Variants in ZNF486 observed in about 807,000 individuals in gnomAD.
ZNF486 encodes the protein KRAB box only protein 2.
A neutral mutation model predicts 12.8 loss-of-function variants in ZNF486; 12 were observed. The observed-to-expected ratio is 0.94, with a 90% CI of 0.60 to 1.52. ZNF486 has a LOEUF of 1.52. Among genes scored for constraint, ZNF486 ranks in the 40% most tolerant of loss-of-function variants. The pLI, the probability that ZNF486 is intolerant of heterozygous loss-of-function variation, is 0.00. For synonymous variants in ZNF486, 231 were observed against 184.9 expected (o/e 1.25, Z -2.02); for missense variants, 738 against 545.0 (o/e 1.35, Z -3.53).
chr19:20,187,630 T>C (rs2089863389), intron 3 of ZNF486, among the ~76,000 whole-genome samples: 2 of 151,166 alleles, frequency 1.3e-5, no homozygotes, highest in Admixed American at 6.6e-5. Flanking sequence ...GCCTCCCGAG[T>C]AGCTGGGACT....
Position 20,197,571 on chromosome 19 carries a change from C to A in ZNF486, c.861C>A (p.Ile287=), listed in dbSNP as rs782419573. The A allele has an allele frequency of 6.2e-7, 1 of 1,610,772 alleles. No individual in the cohort carries two copies. Among genetic ancestry groups the A allele is most frequent in the Non-Finnish European group, 8.5e-7 (1 of 1,179,048 alleles). The change falls in exon 4 of 4, where the codon ATC becomes ATA. Residue 287 remains isoleucine, a synonymous_variant. Transcript: ENST00000335117. The part of the protein sequence containing the change: ...YPYTLTTHKI[I]HTGEQPYKCK... Reference sequence around the variant, plus strand: ...ATACCCTTACTACACATAAGATAATCCATACTGGAGAGCAACCCTACAAAT... The same window carrying A: ...ATACCCTTACTACACATAAGATAATACATACTGGAGAGCAACCCTACAAAT...
chr19:20,185,980 G>GCT lies in ZNF486; in HGVS notation c.158-7_158-6insCT. On this transcript the variant is annotated splice_region_variant and splice_polypyrimidine_tract_variant and intron_variant, in intron 2 of 3. Coordinates refer to ENST00000335117, the MANE Select transcript of ZNF486 (RefSeq NM_052852.4). ...AAGATTAATGCTATTTATTTTTAATGAAACAGGTATTATTGTCTCTAAGCC... is the reference window on the plus strand; with the variant it reads ...AAGATTAATGCTATTTATTTTTAATGCTAAACAGGTATTATTGTCTCTAAGCC... 6.6e-7 allele frequency: 1 copy of GCT among 1,520,478 alleles called. No individual in the cohort carries two copies. Among genetic ancestry groups the GCT allele is most frequent in the Non-Finnish European group, 8.8e-7 (1 of 1,135,636 alleles). 94.2% of individuals were successfully genotyped at this position (1,520,478 alleles called of 1,614,324 possible). A position where few individuals can be genotyped will look rare whatever the true frequency, so the allele number is the denominator to read the frequency against.
rs556923973 is a variant in ZNF486, at chr19:20,196,803, T to C, written c.254-161T>C. Among the ~76,000 whole-genome samples the C allele has an allele frequency of 3.3e-3, 502 of 152,070 alleles. 3 individuals carry two copies. The highest frequency in any genetic ancestry group is 6.1e-3 in the Non-Finnish European group (418 of 67,978). On this transcript the variant is annotated intron_variant, in intron 3 of 3. Transcript: ENST00000335117. Reference sequence around the variant, plus strand: ...TTTTACAAATGTATTTTGGTCAGTATGTTTTTGTTACCTTTATATGTCCAG... The same window carrying C: ...TTTTACAAATGTATTTTGGTCAGTACGTTTTTGTTACCTTTATATGTCCAG...
intron 1 of ZNF486, chr19:20,176,855 TATTA>T (rs1348918971): frequency 6.6e-6 from 1 of 152,528 alleles, no homozygotes; most frequent in East Asian, 1.9e-4. Flanking sequence ...GTCGAAGCCC[TATTA>T]ATTAATCCCA....
At chr19:20,170,763 T>A (rs995674103) in intron 1 of ZNF486, among the ~76,000 whole-genome samples, 19 of 152,214 alleles carry the variant, frequency 1.2e-4, no homozygotes, top group Non-Finnish European at 2.6e-4. Flanking sequence ...TGGAGAATTT[T>A]ATTAATCACA....
rs2089991306 is a variant in ZNF486 at position 20,199,286 on chromosome 19, TGTA to T, written c.*1188_*1190del. On this transcript the variant is annotated 3_prime_UTR_variant, in exon 4 of 4. Coordinates refer to ENST00000335117, the MANE Select transcript of ZNF486 (RefSeq NM_052852.4). ...CAAGCATTACAAATATAAAGAGGTT[TGTA>T]GTACCTTTGCTTGTATTACAGATCT... 6.6e-6 allele frequency: 1 copy of T among 152,202 alleles called. No individual in the cohort carries two copies. The highest frequency in any genetic ancestry group is 1.5e-5 in the Non-Finnish European group (1 of 68,038). 9.4% of individuals were successfully genotyped at this position (152,202 alleles called of 1,614,324 possible). A position where few individuals can be genotyped will look rare whatever the true frequency, so the allele number is the denominator to read the frequency against.
At chr19:20,175,807 A>T (rs926720777) in intron 1 of ZNF486, among the ~76,000 whole-genome samples, 14 of 152,184 alleles carry the variant, frequency 9.2e-5, no homozygotes, top group Admixed American at 5.2e-4. Flanking sequence ...TCCACAAAAC[A>T]GCCATTGTCA....
rs1028030633 is a variant in ZNF486, at chr19:20,181,761, T to C, written c.31-2595T>C. Among the ~76,000 whole-genome samples the C allele has an allele frequency of 3.3e-5, 5 of 150,080 alleles. No homozygotes were observed. The East Asian group carries it at 9.9e-4, about 30-fold the overall frequency. On this transcript the variant is annotated intron_variant, in intron 1 of 3. Transcript: ENST00000335117. ...TATTCCTTTCTATCTCTTTCATCTGTCTATATTTTGCTTTTACAGTGTTTT... is the reference window on the plus strand; with the variant it reads ...TATTCCTTTCTATCTCTTTCATCTGCCTATATTTTGCTTTTACAGTGTTTT...
intron 1 of ZNF486, among the ~76,000 whole-genome samples, chr19:20,180,669 G>T (rs1249069123): frequency 6.6e-6 from 1 of 152,112 alleles, no homozygotes; most frequent in East Asian, 1.9e-4. Flanking sequence ...TGCCACTTGG[G>T]TTCAAGCGAT....
rs552011103 is a variant in ZNF486, at chr19:20,169,741, C to CT, written c.30+2387dup. Among the ~76,000 whole-genome samples the CT allele has an allele frequency of 9.2e-4, 140 of 151,624 alleles. 1 individual carries two copies. The highest frequency in any genetic ancestry group is 3.2e-3 in the African/African-American group (132 of 41,268). Reference sequence around the variant, plus strand: ...TTGCAAAAATGTAGGCAGAAAAGGGCTTTTTTCCTAGGGAGGAGCAAACGA... The same window carrying CT: ...TTGCAAAAATGTAGGCAGAAAAGGGCTTTTTTTCCTAGGGAGGAGCAAACGA... On this transcript the variant is annotated intron_variant, in intron 1 of 3. Transcript: ENST00000335117.
At position 20,198,241 on chromosome 19, in the gene ZNF486, T is replaced by A. The variant is rs1555718439; in HGVS notation, c.*139T>A. ...AAGTAACTCTCCTTAGTAGCTAGGA[T>A]TACAGGGCTGCACCACCACACCTGG... On this transcript the variant is annotated 3_prime_UTR_variant, in exon 4 of 4. Transcript: ENST00000335117. 3.6e-5 allele frequency: 25 copies of A among 702,494 alleles called. No homozygotes were observed. The allele number at this position is 702,494 out of a possible 1,614,324, so 43.5% of individuals were successfully genotyped here.
intron 1 of ZNF486, among the ~76,000 whole-genome samples, chr19:20,180,922 T>A (rs552229824): frequency 6.6e-6 from 1 of 152,190 alleles, no homozygotes; most frequent in Non-Finnish European, 1.5e-5. Flanking sequence ...AATTGTGTAT[T>A]AGTATATAGT....
intron 1 of ZNF486, among the ~76,000 whole-genome samples, chr19:20,182,402 C>A (rs2122652356): frequency 6.6e-6 from 1 of 152,342 alleles, no homozygotes; most frequent in South Asian, 2.1e-4. Context: ...GGCCAATTTG[C>A]AGAAACCTCT....
chr19:20,185,534 C>T (rs2089833407), intron 2 of ZNF486, among the ~76,000 whole-genome samples: 1 of 150,712 alleles, frequency 6.6e-6, no homozygotes, highest in Admixed American at 6.6e-5. Flanking sequence ...TCTGAGCCTC[C>T]TGAGTAGCTG....
intron 1 of ZNF486, among the ~76,000 whole-genome samples, chr19:20,173,021 T>G (rs2089667091): frequency 6.6e-6 from 1 of 152,200 alleles, no homozygotes; most frequent in East Asian, 1.9e-4. Context: ...GTAGATTGTT[T>G]ACTCTGTTGA....
intron 3 of ZNF486, among the ~76,000 whole-genome samples, chr19:20,194,971 T>G (rs1384643306): frequency 1.3e-5 from 2 of 152,082 alleles, no homozygotes; most frequent in East Asian, 3.9e-4. Context: ...CGATTTTCGG[T>G]TTTTTGGTAT....
intron 1 of ZNF486, among the ~76,000 whole-genome samples, chr19:20,173,827 G>A (rs1358534992): frequency 6.0e-5 from 9 of 149,392 alleles, no homozygotes; most frequent in South Asian, 2.1e-4. Context: ...GCGAGACTCC[G>A]TCTCAAAAAA....
At chr19:20,172,932 C>A (rs911005468) in intron 1 of ZNF486, among the ~76,000 whole-genome samples, 1 of 152,202 alleles carries the variant, frequency 6.6e-6, no homozygotes, top group African/African-American at 2.4e-5. Context: ...TGAGTCACCA[C>A]GCCCAGCCAA....
chr19:20,184,221 G>A, intron 1 of ZNF486, 135 bp from the exon 2 acceptor site: 1 of 1,334,990 alleles, frequency 7.5e-7, no homozygotes, highest in Admixed American at 2.3e-5. Context: ...TTTCTGTATT[G>A]AAAATTATTT....
Sources: gnomAD v4.1 joint callset for allele counts (sites outside exome capture counted in the v4.1 genomes callset) on GRCh38, gnomAD v4.1.1 for gene constraint, MANE v1.5 for transcripts, NCBI Gene and HGNC (gene_info 2026-07-23, HGNC 2026-07-21) for gene names.